Variants in MTMR3 observed in about 807,000 individuals in gnomAD.
MTMR3 encodes the protein myotubularin related protein 3, also known as phosphatidylinositol-3,5-bisphosphate 3-phosphatase MTMR3.
A neutral mutation model predicts 132.4 loss-of-function variants in MTMR3; 32 were observed. That is an observed-to-expected ratio of 0.24 (90% CI 0.18 to 0.32). The LOEUF (loss-of-function observed/expected upper bound fraction) is 0.32. Among genes scored for constraint, MTMR3 ranks in the 10% least tolerant of loss-of-function variants. The pLI, the probability that MTMR3 is intolerant of heterozygous loss-of-function variation, is 1.00. For missense variants in MTMR3, 1,216 were observed against 1,489.6 expected, an observed-to-expected ratio of 0.82 and a Z score of 3.02; for synonymous variants, 556 against 550.3, an observed-to-expected ratio of 1.01 and a Z score of -0.14.
At chr22:29,961,163 A>C (rs952196193) in intron 2 of MTMR3, among the ~76,000 whole-genome samples, 1 of 152,158 alleles carries the variant, frequency 6.6e-6, no homozygotes. Flanking sequence ...TTTGGCAATA[A>C]TAACCCCTCT....
intron 2 of MTMR3, among the ~76,000 whole-genome samples, chr22:29,968,769 T>C (rs2066478215): frequency 1.3e-5 from 2 of 152,366 alleles, no homozygotes; most frequent in African/African-American, 4.8e-5. Context: ...GTAGAAAATA[T>C]TGAATAAATA....
At chr22:29,928,756 C>T (rs1381899845) in intron 1 of MTMR3, among the ~76,000 whole-genome samples, 1 of 151,972 alleles carries the variant, frequency 6.6e-6, no homozygotes, top group Non-Finnish European at 1.5e-5. Context: ...CTCAAGTGAT[C>T]CACCCTCCTT....
rs771649231 is a variant in MTMR3, at chr22:30,020,725, G to A, written c.3066G>A (p.Val1022=). The A allele has an allele frequency of 1.2e-6, 2 of 1,614,244 alleles. No individual in the cohort carries two copies. Among genetic ancestry groups the A allele is most frequent in the East Asian group, 2.2e-5 (1 of 44,888 alleles). ...RSHLDDDGMS[V]YTDTIQQRLR... Reference sequence around the variant, plus strand: ...ACCTGGACGATGATGGCATGTCAGTGTACACAGACACGATCCAACAGCGCC... The same window carrying A: ...ACCTGGACGATGATGGCATGTCAGTATACACAGACACGATCCAACAGCGCC... The change falls in exon 17 of 20, where the codon GTG becomes GTA. Residue 1022 remains valine (V), a synonymous_variant. Transcript: ENST00000401950.
At chr22:29,973,095 A>G (rs780036995) in intron 3 of MTMR3, among the ~76,000 whole-genome samples, 1 of 152,196 alleles carries the variant, frequency 6.6e-6, no homozygotes, top group African/African-American at 2.4e-5. Flanking sequence ...TTTAGAGTGT[A>G]TGTCCTTAAT....
intron 1 of MTMR3, among the ~76,000 whole-genome samples, chr22:29,909,999 A>G (rs982534078): frequency 6.6e-6 from 1 of 152,040 alleles, no homozygotes; most frequent in Admixed American, 6.6e-5. Context: ...ACTAAAAAAT[A>G]CAAAAAAATT....
chr22:29,970,944 T>TTTCTTCTTCCCCC, intron 2 of MTMR3, 32 bp from the exon 3 acceptor site: 17 of 782,738 alleles, frequency 2.2e-5, no homozygotes, highest in East Asian at 1.5e-4. Context: ...TCTTTTTTTT[T>TTTCTTCTTCCCCC]TCTTCTTCCC....
At chr22:29,988,403 G>C in intron 5 of MTMR3, 77 bp from the exon 6 acceptor site, 3 of 1,029,454 alleles carry the variant, frequency 2.9e-6, no homozygotes, top group Non-Finnish European at 4.3e-6. Context: ...TTTTTAATTA[G>C]TCTTGTTGGA....
intron 1 of MTMR3, among the ~76,000 whole-genome samples, chr22:29,956,268 A>G (rs1880626213): frequency 6.6e-6 from 1 of 151,872 alleles, no homozygotes; most frequent in Admixed American, 6.6e-5. Flanking sequence ...TTTTTTTGAG[A>G]CAGAGTCTCA....
chr22:30,025,579 C>T lies in MTMR3; in HGVS notation c.3426-51C>T, dbSNP rs112484005. 8,614 of 1,600,792 alleles carry T rather than the reference C, an allele frequency of 5.4e-3. 396 individuals carry two copies. In the African/African-American group the frequency reaches 0.1, roughly 19 times the overall value. ...TTGTCTTTTGAAGTTGGTTTCCCTC[C>T]GCATACCTGCTGGCCAAAACTAACA... On this transcript the variant is annotated intron_variant, in intron 19 of 19. Transcript: ENST00000401950.
At chr22:29,897,855 G>A (rs189222694) in intron 1 of MTMR3, among the ~76,000 whole-genome samples, 3 of 152,192 alleles carry the variant, frequency 2.0e-5, no homozygotes, top group African/African-American at 7.2e-5. Context: ...TTTAGCTCAT[G>A]CACTTATATT....
In MTMR3 at chr22:30,020,643, A is replaced by G. The variant is rs2067720343; in HGVS notation, c.2984A>G (p.His995Arg). 2 of 1,614,114 alleles carry G rather than the reference A, an allele frequency of 1.2e-6. No homozygotes were observed. The highest frequency in any genetic ancestry group is 1.3e-5 in the African/African-American group (1 of 74,954). The change falls in exon 17 of 20, where the codon CAT (histidine) becomes CGT (arginine). Residue 995 changes from histidine to arginine, a missense_variant. Physicochemically the swap from His to Arg is conservative, Grantham distance 29. Around this residue, in one of 7 missense-constraint regions of MTMR3, gnomAD observed 852 missense variants for 852.0 expected, o/e 1.00. Transcript: ENST00000401950. ...HSRNLHHKWLHSHSGRPSATS... is the reference protein window; with the variant it reads ...HSRNLHHKWLRSHSGRPSATS... ...AGGAACTTGCACCACAAGTGGCTGC[A>G]TAGCCACTCAGGAAGGCCATCTGCA...
rs114973780 is a variant in MTMR3, at chr22:29,932,353, A to G, written c.-137-24683A>G. Among the ~76,000 whole-genome samples, 968 of 152,276 alleles carry G rather than the reference A, an allele frequency of 6.4e-3. 8 individuals are homozygous for G. Among genetic ancestry groups the G allele is most frequent in the African/African-American group, 0.023 (940 of 41,564 alleles). ...ACTGTGAGATAATCACTGTCTTGTC[A>G]TCTGTCCCCAGAGTGCTTTCATTTT... On this transcript the variant is annotated intron_variant, in intron 1 of 19. Transcript: ENST00000401950.
chr22:29,933,135 AT>A (rs1328658549), intron 1 of MTMR3, among the ~76,000 whole-genome samples: 3 of 151,822 alleles, frequency 2.0e-5, no homozygotes, highest in Non-Finnish European at 4.4e-5. Context: ...GGTCTGGCTA[AT>A]TTTTTGTATT....
At chr22:30,014,980 A>G (rs933004818) in intron 14 of MTMR3, 1 of 152,156 alleles carries the variant, frequency 6.6e-6, no homozygotes, top group Non-Finnish European at 1.5e-5. Flanking sequence ...AGACTCACGT[A>G]TCTAAGTTAC....
intron 1 of MTMR3, among the ~76,000 whole-genome samples, chr22:29,912,172 G>A (rs764516619): frequency 6.6e-6 from 1 of 152,164 alleles, no homozygotes; most frequent in Admixed American, 6.5e-5. Flanking sequence ...TGAGTTGATG[G>A]TAGAGATGAA....
chr22:29,898,466 G>A (rs2064944354), intron 1 of MTMR3, among the ~76,000 whole-genome samples: 1 of 152,094 alleles, frequency 6.6e-6, no homozygotes, highest in African/African-American at 2.4e-5. Context: ...GCAATGTTGC[G>A]ATCACTGGTC....
chr22:30,003,013 T>C lies in MTMR3; in HGVS notation c.671+20T>C. 2 of 1,566,822 alleles carry C rather than the reference T, an allele frequency of 1.3e-6. No individual in the cohort carries two copies. The highest frequency in any genetic ancestry group is 1.8e-6 in the Non-Finnish European group (2 of 1,136,874). On this transcript the variant is annotated intron_variant, in intron 9 of 19. Coordinates refer to ENST00000401950, the MANE Select transcript of MTMR3 (RefSeq NM_021090.4). Reference sequence around the variant, plus strand: ...CTACAGGTAAGTTAAACTGGACCAGTCCCAGCTTGGGCTGGTGCTGCTGCC... The same window carrying C: ...CTACAGGTAAGTTAAACTGGACCAGCCCCAGCTTGGGCTGGTGCTGCTGCC...
At chr22:30,008,169 T>G in intron 11 of MTMR3, 137 bp downstream of exon 11, 1 of 1,112,016 alleles carries the variant, frequency 9.0e-7, no homozygotes, top group South Asian at 1.6e-5. Flanking sequence ...TGCCAGAGCT[T>G]CTCTTTGGAT....
chr22:29,968,441 G>A (rs1027432586), intron 2 of MTMR3, among the ~76,000 whole-genome samples: 2 of 152,068 alleles, frequency 1.3e-5, no homozygotes, highest in Non-Finnish European at 2.9e-5. Flanking sequence ...AATTCAGTAT[G>A]TTTCTTTTTT....
Sources: allele counts gnomAD v4.1 joint callset (sites outside exome capture counted in the v4.1 genomes callset), GRCh38; gene constraint gnomAD v4.1.1; regional missense constraint gnomAD v4.1.1; transcripts MANE v1.5; gene names NCBI Gene and HGNC (gene_info 2026-07-23, HGNC 2026-07-21).